Variants in PTPRJ observed in about 807,000 individuals in gnomAD.
The protein encoded by PTPRJ is protein tyrosine phosphatase receptor type J, also known as receptor-type tyrosine-protein phosphatase eta.
In PTPRJ, 129 loss-of-function variants were observed where a neutral mutation model predicts 141.3. The ratio of observed to expected loss-of-function variants is 0.91; its 90% confidence interval spans 0.79 to 1.06. The LOEUF is 1.06. PTPRJ is among the 50% of genes least tolerant of loss of function. The probability of loss-of-function intolerance (pLI) is 0.00; values close to 1 mark genes in which losing one functional copy is unlikely to be tolerated. For missense variants in PTPRJ, 1,601 were observed against 1,679.7 expected (o/e 0.95, Z 0.82); for synonymous variants, 610 against 640.5 (o/e 0.95, Z 0.72).
chr11:48,013,025 A>G (rs759051532), intron 1 of PTPRJ, among the ~76,000 whole-genome samples: 1 of 150,426 alleles, frequency 6.6e-6, no homozygotes, highest in Non-Finnish European at 1.5e-5. Context: ...GAATTTCTTG[A>G]ACCGGGTGGG....
chr11:48,129,161 T>C (rs962601138), intron 7 of PTPRJ, among the ~76,000 whole-genome samples: 1 of 152,192 alleles, frequency 6.6e-6, no homozygotes, highest in African/African-American at 2.4e-5. Context: ...CAAAAGGGAT[T>C]TATCCTGGGA....
intron 1 of PTPRJ, among the ~76,000 whole-genome samples, chr11:48,033,067 A>G (rs577288022): frequency 1.3e-5 from 2 of 152,064 alleles, no homozygotes; most frequent in Non-Finnish European, 2.9e-5. Flanking sequence ...AAAAAAAAAA[A>G]ACAAGTCTAA....
intron 1 of PTPRJ, among the ~76,000 whole-genome samples, chr11:48,046,790 G>A (rs547411055): frequency 2.6e-5 from 4 of 151,380 alleles, no homozygotes; most frequent in Non-Finnish European, 5.9e-5. Context: ...GAGAGGCTGG[G>A]TAACTTATCC....
At chr11:48,141,938 G>GT (rs77346697) in intron 11 of PTPRJ, among the ~76,000 whole-genome samples, 75,490 of 144,028 alleles carry the variant, frequency 0.52, 21,847 homozygotes, top group Non-Finnish European at 0.65. Flanking sequence ...TCCCCAATGT[G>GT]TTTTTTTTTT....
At chr11:48,031,552 T>C (rs1044926324) in intron 1 of PTPRJ, among the ~76,000 whole-genome samples, 4 of 151,976 alleles carry the variant, frequency 2.6e-5, no homozygotes, top group African/African-American at 9.7e-5. Context: ...TCATGCAAAA[T>C]GGGGTGGGAT....
At chr11:47,993,941 G>T (rs1854264483) in intron 1 of PTPRJ, among the ~76,000 whole-genome samples, 1 of 151,302 alleles carries the variant, frequency 6.6e-6, no homozygotes, top group Non-Finnish European at 1.5e-5. Context: ...CAGTTCTCCT[G>T]CCTCTGCCTC....
At chr11:48,037,225 T>C (rs1428349304) in intron 1 of PTPRJ, among the ~76,000 whole-genome samples, 4 of 152,208 alleles carry the variant, frequency 2.6e-5, no homozygotes, top group African/African-American at 9.7e-5. Context: ...ATTTATGATA[T>C]ATCAAAGAGA....
Position 48,163,554 on chromosome 11 carries a change from C to G in PTPRJ, c.3655C>G (p.Arg1219Gly), listed in dbSNP as rs745818134. 1 of 1,613,970 alleles carries G rather than the reference C, an allele frequency of 6.2e-7. No homozygotes were observed. Among genetic ancestry groups the G allele is most frequent in the Non-Finnish European group, 8.5e-7 (1 of 1,179,830 alleles). ...PDTTDLLINF[R>G]YLVRDYMKQS... is the part of the protein sequence containing the mutation. Reference sequence around the variant, plus strand: ...CACCACTGACCTGCTCATCAACTTCCGGTACCTCGTTCGTGACTACATGAA... The same window carrying G: ...CACCACTGACCTGCTCATCAACTTCGGGTACCTCGTTCGTGACTACATGAA... Residue 1219 changes from arginine (R) to glycine (G), a missense_variant, in exon 23 of 25, where the codon CGG becomes GGG. Arg to Gly is a moderately radical substitution (Grantham distance 125). Transcript: ENST00000418331.
intron 1 of PTPRJ, among the ~76,000 whole-genome samples, chr11:48,024,856 G>A (rs189771039): frequency 6.6e-6 from 1 of 152,358 alleles, no homozygotes; most frequent in Admixed American, 6.5e-5. Context: ...TCATTCAGCT[G>A]CATTTCTTGA....
At chr11:48,053,187 A>AT (rs1854622751) in intron 1 of PTPRJ, among the ~76,000 whole-genome samples, 1 of 103,158 alleles carries the variant, frequency 9.7e-6, no homozygotes, top group East Asian at 2.3e-4. Context: ...ATAAATATAT[A>AT]TAAAAATATA....
intron 1 of PTPRJ, among the ~76,000 whole-genome samples, chr11:48,038,749 C>T (rs1010554615): frequency 6.6e-6 from 1 of 151,176 alleles, no homozygotes; most frequent in Non-Finnish European, 1.5e-5. Context: ...CTTGGCCTCC[C>T]AAAGTGCTGG....
intron 1 of PTPRJ, 57 bp downstream of exon 1, chr11:47,981,065 AC>A: frequency 2.5e-6 from 3 of 1,199,260 alleles, no homozygotes; most frequent in Non-Finnish European, 3.1e-6. Context: ...ACTGGCATTG[AC>A]TGCACCTGCC....
intron 1 of PTPRJ, among the ~76,000 whole-genome samples, chr11:48,102,890 C>T (rs1856184041): frequency 6.6e-6 from 1 of 152,112 alleles, no homozygotes; most frequent in South Asian, 2.1e-4. Context: ...CTCTGACCCT[C>T]TCTTCAGATG....
intron 8 of PTPRJ, among the ~76,000 whole-genome samples, chr11:48,131,066 ATATATTTT>A (rs1413436824): frequency 9.2e-6 from 1 of 108,658 alleles, no homozygotes; most frequent in African/African-American, 3.6e-5. Flanking sequence ...ATATATATAT[ATATATTTT>A]TTTTTTTTTT....
intron 1 of PTPRJ, among the ~76,000 whole-genome samples, chr11:48,069,255 A>G (rs986881111): frequency 6.6e-6 from 1 of 151,186 alleles, no homozygotes; most frequent in Non-Finnish European, 1.5e-5. Flanking sequence ...GCCTGCCACC[A>G]TGCCCAGCTA....
chr11:48,062,600 G>A (rs1205938616), intron 1 of PTPRJ, among the ~76,000 whole-genome samples: 2 of 152,218 alleles, frequency 1.3e-5, no homozygotes, highest in Non-Finnish European at 2.9e-5. Flanking sequence ...ACATTGGCAG[G>A]TAATTGAGCA....
intron 8 of PTPRJ, among the ~76,000 whole-genome samples, chr11:48,135,626 C>T (rs1444817969): frequency 6.6e-6 from 1 of 151,932 alleles, no homozygotes; most frequent in African/African-American, 2.4e-5. Context: ...GGATTACAGG[C>T]GTGTACCACC....
chr11:48,077,516 G>C (rs1048961412), intron 1 of PTPRJ, among the ~76,000 whole-genome samples: 22 of 152,176 alleles, frequency 1.4e-4, no homozygotes, highest in Admixed American at 1.3e-4. Flanking sequence ...GTCGTCCCAG[G>C]ACATATTTCC....
intron 1 of PTPRJ, among the ~76,000 whole-genome samples, chr11:48,083,933 T>C (rs1015852406): frequency 6.6e-6 from 1 of 152,198 alleles, no homozygotes; most frequent in African/African-American, 2.4e-5. Context: ...CCTTTCACTC[T>C]CATTCCCTCA....
Sources: gnomAD v4.1 joint callset for allele counts (sites outside exome capture counted in the v4.1 genomes callset) on GRCh38, gnomAD v4.1.1 for gene constraint, MANE v1.5 for transcripts, NCBI Gene and HGNC (gene_info 2026-07-23, HGNC 2026-07-21) for gene names.